NEB: variants seen among roughly 807,000 people sequenced by gnomAD.
The protein encoded by NEB is nemaline myopathy type 2.
A neutral mutation model predicts 952.2 loss-of-function variants in NEB; 512 were observed. The ratio of observed to expected loss-of-function variants is 0.54; its 90% CI spans 0.50 to 0.58. The LOEUF (loss-of-function observed/expected upper bound fraction) is 0.58, where lower values mean the gene tolerates loss of function less well. Ranked by LOEUF, NEB falls within the 20% of genes least tolerant of loss-of-function variation. The pLI, the probability that NEB is intolerant of heterozygous loss-of-function variation, is 0.00. For missense variants in NEB, 8,428 were observed against 9,231.1 expected, an observed-to-expected ratio of 0.91 and a Z score of 3.56; for synonymous variants, 2,900 against 3,149.8, an observed-to-expected ratio of 0.92 and a Z score of 2.66.
chr2:151,684,744 TAA>T, intron 28 of NEB, 32 bp downstream of exon 28: 1 of 1,498,984 alleles, frequency 6.7e-7, no homozygotes, highest in Admixed American at 2.3e-5. Context: ...TCCATCTTTT[TAA>T]AAGAGGGGCT....
chr2:151,613,439 G>GA (rs2098086086), intron 77 of NEB, among the ~76,000 whole-genome samples: 1 of 152,132 alleles, frequency 6.6e-6, no homozygotes, highest in Non-Finnish European at 1.5e-5. Context: ...AACTTGGATA[G>GA]AAAAAATATG....
Position 151,501,267 on chromosome 2 carries a change from AG to A in NEB, c.24021+123del, listed in dbSNP as rs1317466868. Reference sequence around the variant, plus strand: ...GGAGATCTGGAAAACAGAAGGATTCAGTTGATGTGATTAAAAAAAGATTTTG... The same window carrying A: ...GGAGATCTGGAAAACAGAAGGATTCATTGATGTGATTAAAAAAAGATTTTG... On this transcript the variant is annotated intron_variant, in intron 168 of 181. Transcript: ENST00000397345. 13 of 612,370 alleles carry A rather than the reference AG, an allele frequency of 2.1e-5. No individual in the cohort carries two copies. The African/African-American group carries it at 2.4e-4, about 11-fold the overall frequency. The allele number at this position is 612,370 out of a possible 1,614,324, so 37.9% of individuals were successfully genotyped here. A position where few individuals can be genotyped will look rare whatever the true frequency, so the allele number is the denominator to read the frequency against.
intron 168 of NEB, 98 bp from the exon 169 acceptor site, chr2:151,499,488 G>C: frequency 1.5e-6 from 1 of 669,072 alleles, no homozygotes; most frequent in Non-Finnish European, 2.7e-6. Flanking sequence ...ACAGACGTCA[G>C]ACAGAAAAGA....
chr2:151,576,512 ATATATTTTTTTTTTTTTTTTTTT>A (rs1212251379), intron 105 of NEB, among the ~76,000 whole-genome samples, 158 bp from the exon 106 acceptor site: 25 of 28,926 alleles, frequency 8.6e-4, no homozygotes, highest in Admixed American at 2.9e-3. Flanking sequence ...ATATATATAT[ATATATTTTTTTTTTTTTTTTTTT>A]TTTTTTTTTT....
intron 12 of NEB, 77 bp from the exon 13 acceptor site, chr2:151,707,074 C>T (rs78867421): frequency 0.016 from 13,709 of 857,442 alleles, 183 homozygotes; most frequent in South Asian, 0.03. Flanking sequence ...ATATGACATA[C>T]TTCCACAAAT....
chr2:151,708,786 T>C (rs2099734979), intron 12 of NEB, among the ~76,000 whole-genome samples: 1 of 152,182 alleles, frequency 6.6e-6, no homozygotes, highest in South Asian at 2.1e-4. Flanking sequence ...TACCAACTTC[T>C]TCCATAGTCT....
intron 135 of NEB, among the ~76,000 whole-genome samples, chr2:151,545,575 CAA>C (rs566474049): frequency 2.2e-5 from 3 of 135,254 alleles, no homozygotes; most frequent in Non-Finnish European, 1.6e-5. Flanking sequence ...AACTCCATCT[CAA>C]AAAAAAAAAG....
rs532209748 is a variant in NEB, at chr2:151,517,671, G to A, written c.22800+647C>T. Among the ~76,000 whole-genome samples, 11 of 152,290 alleles carry A rather than the reference G, an allele frequency of 7.2e-5. No individual in the cohort carries two copies. The South Asian group carries it at 2.3e-3, about 32-fold the overall frequency. On this transcript the variant is annotated intron_variant, in intron 156 of 181. Coordinates refer to ENST00000397345, the MANE Select transcript of NEB (RefSeq NM_001164508.2). ...GGTATGGCCTGTTGCTCCTAGGCTA[G>A]AAACCTGTACAGCATATTATTTTAC...
chr2:151,610,451 A>C, intron 80 of NEB, 65 bp downstream of exon 80: 1 of 1,275,856 alleles, frequency 7.8e-7, no homozygotes, highest in Non-Finnish European at 1.1e-6. Context: ...TGTGTGGTTC[A>C]CCAGCCACCC....
At chr2:151,624,185 G>A (rs2098473787) in intron 71 of NEB, among the ~76,000 whole-genome samples, 1 of 152,086 alleles carries the variant, frequency 6.6e-6, no homozygotes, top group South Asian at 2.1e-4. Flanking sequence ...TGTATTCATG[G>A]GGGATGAGTG....
rs770904586 is a variant in NEB at position 151,527,003 on chromosome 2, C to T, written c.21860G>A (p.Arg7287Gln). Residue 7287 changes from arginine (R) to glutamine (Q), a missense_variant, in exon 148 of 182, where the codon CGG becomes CAG. Around this residue, in one of 11 missense-constraint regions of NEB, gnomAD observed 3,374 missense variants for 3,651.5 expected, o/e 0.92. Coordinates refer to ENST00000397345, the MANE Select transcript of NEB (RefSeq NM_001164508.2). The stretch of plus-strand genomic sequence containing the variant: ...AAGCTTGCAACCCTTGAGGAACTCC[C>T]GGTCCAGCTTATATTCAAACTGTGA... ...QQSDFEYKLD[R>Q]EFLKGCKLSV... The T allele has an allele frequency of 8.8e-6, 14 of 1,598,300 alleles. No individual in the cohort carries two copies. Among genetic ancestry groups the T allele is most frequent in the East Asian group, 6.7e-5 (3 of 44,490 alleles).
intron 124 of NEB, among the ~76,000 whole-genome samples, chr2:151,559,033 T>C (rs565945220): frequency 1.3e-5 from 2 of 152,284 alleles, no homozygotes; most frequent in African/African-American, 2.4e-5. Flanking sequence ...ATTTCTGCAA[T>C]CTATCCATCT....
chr2:151,667,131 T>G (rs1166684914), intron 40 of NEB, among the ~76,000 whole-genome samples: 1 of 151,286 alleles, frequency 6.6e-6, no homozygotes, highest in East Asian at 1.9e-4. Context: ...CCAGAAAGAA[T>G]CAGCAAAATA....
chr2:151,654,477 A>G (rs560964775), intron 51 of NEB, among the ~76,000 whole-genome samples: 1 of 152,258 alleles, frequency 6.6e-6, no homozygotes, highest in Non-Finnish European at 1.5e-5. Context: ...AACAGGTCAC[A>G]ACATTTTAAT....
At chr2:151,509,183 G>GTT in intron 161 of NEB, among the ~76,000 whole-genome samples, 1 of 152,180 alleles carries the variant, frequency 6.6e-6, no homozygotes, top group Non-Finnish European at 1.5e-5. Context: ...TTCAGCCAAT[G>GTT]AGAGATGTAG....
At position 151,690,806 on chromosome 2, in the gene NEB, G is replaced by C; in HGVS notation, c.2231C>G (p.Pro744Arg). The C allele has an allele frequency of 2.5e-6, 4 of 1,590,282 alleles. No homozygotes were observed. In the South Asian group the frequency reaches 4.6e-5, roughly 18 times the overall value. The change falls in exon 24 of 182, where the codon CCA (proline) becomes CGA (arginine). Residue 744 changes from proline to arginine, a missense_variant. Physicochemically the swap from Pro to Arg is moderately radical, Grantham distance 103. Coordinates refer to ENST00000397345, the MANE Select transcript of NEB (RefSeq NM_001164508.2). ...QCKDHTYKVH[P>R]DKTKFTAVTD... is the part of the protein sequence containing the mutation. ...GACTGCCGTGAATTTGGTCTTATCT[G>C]GATGAACTTTGTAGGTATGCTAGAA... is the stretch of plus-strand genomic sequence containing the variant.
At chr2:151,616,244 G>C (rs2098189343) in intron 75 of NEB, 135 bp from the exon 76 acceptor site, 1 of 611,760 alleles carries the variant, frequency 1.6e-6, no homozygotes, top group Non-Finnish European at 2.8e-6. Flanking sequence ...TTTATAGATA[G>C]CTTTGCCTCA....
Position 151,609,921 on chromosome 2 carries a change from C to G in NEB, c.12218G>C (p.Cys4073Ser), listed in dbSNP as rs1316221324. ...ATCAATGTCAGTGACCAAAGTCTGACATTTCTTGGCCAGCAAGATGCTTAA... is the reference window on the plus strand; with the variant it reads ...ATCAATGTCAGTGACCAAAGTCTGAGATTTCTTGGCCAGCAAGATGCTTAA... ...DMLSILLAKKCQTLVTDIDYR... is the reference protein window; with the variant it reads ...DMLSILLAKKSQTLVTDIDYR... Residue 4073 changes from cysteine (C) to serine (S), a missense_variant, in exon 81 of 182, where the codon TGT (cysteine) becomes TCT (serine). Around this residue, in one of 11 missense-constraint regions of NEB, gnomAD observed 337 missense variants for 297.5 expected, o/e 1.13. Transcript: ENST00000397345. 1 of 1,613,942 alleles carries G rather than the reference C, an allele frequency of 6.2e-7. No individual in the cohort carries two copies. The highest frequency in any genetic ancestry group is 1.7e-5 in the Admixed American group (1 of 60,014).
intron 151 of NEB, 142 bp from the exon 152 acceptor site, chr2:151,524,758 C>G: frequency 1.4e-6 from 1 of 713,024 alleles, no homozygotes; most frequent in Non-Finnish European, 2.3e-6. Flanking sequence ...CTTCTGTCTC[C>G]CGGATTCAAG....
Sources: allele counts gnomAD v4.1 joint callset (sites outside exome capture counted in the v4.1 genomes callset), GRCh38; gene constraint gnomAD v4.1.1; regional missense constraint gnomAD v4.1.1; transcripts MANE v1.5; gene names NCBI Gene and HGNC (gene_info 2026-07-23, HGNC 2026-07-21).